Variants in KIF26B observed in about 807,000 individuals in gnomAD.
KIF26B encodes the protein kinesin family member 26B, also known as kinesin-like protein KIF26B.
Under a neutral mutation model 151.2 loss-of-function variants are expected in KIF26B, and 63 were observed. The ratio of observed to expected loss-of-function variants is 0.42; its 90% CI spans 0.34 to 0.51. The LOEUF is 0.51. KIF26B is among the 20% of genes least tolerant of loss of function. The probability of loss-of-function intolerance (pLI) is 0.07; values close to 1 mark genes in which losing one functional copy is unlikely to be tolerated. For missense variants in KIF26B, 2,813 were observed against 2,913.6 expected, an observed-to-expected ratio of 0.97 and a Z score of 0.79; for synonymous variants, 1,357 against 1,262.1, an observed-to-expected ratio of 1.08 and a Z score of -1.59.
At chr1:245,671,923 C>A (rs961153561) in intron 10 of KIF26B, among the ~76,000 whole-genome samples, 3 of 152,202 alleles carry the variant, frequency 2.0e-5, no homozygotes, top group Non-Finnish European at 4.4e-5. Context: ...GTGCCCCGAG[C>A]CTGCAGAGCG....
At chr1:245,520,055 C>A (rs78833866) in intron 4 of KIF26B, among the ~76,000 whole-genome samples, 3,758 of 142,770 alleles carry the variant, frequency 0.026, 86 homozygotes, top group African/African-American at 0.057. Context: ...TGAAAAATAT[C>A]TACATTTTTT....
intron 2 of KIF26B, among the ~76,000 whole-genome samples, chr1:245,265,587 CT>C (rs34317893): frequency 0.15 from 21,113 of 140,538 alleles, 1,569 homozygotes; most frequent in Middle Eastern, 0.2. Context: ...TAGAGAATGA[CT>C]TTTTTTTTTT....
rs1553300738 is a variant in KIF26B, at chr1:245,652,145, T to TGA, written c.2258+5872_2258+5873dup. 2.1e-3 allele frequency among the ~76,000 whole-genome samples: 296 copies of TGA among 142,730 alleles called. 2 individuals are homozygous for TGA. Among genetic ancestry groups the TGA allele is most frequent in the African/African-American group, 4.9e-3 (179 of 36,440 alleles). The allele number at this position is 142,730 out of a possible 152,430, so 93.6% of individuals were successfully genotyped here. A position where few individuals can be genotyped will look rare whatever the true frequency, so the allele number is the denominator to read the frequency against. ...GTGTGTGTGTGTGTGTGTGTGTGTG[T>TGA]GAGAGAGACATATGCATATTTAACC... On this transcript the variant is annotated intron_variant, in intron 10 of 14. Transcript: ENST00000407071.
At chr1:245,510,056 T>C (rs998473778) in intron 4 of KIF26B, among the ~76,000 whole-genome samples, 1 of 152,134 alleles carries the variant, frequency 6.6e-6, no homozygotes, top group African/African-American at 2.4e-5. Flanking sequence ...GCATGCGAAG[T>C]TGACAGTCAC....
At chr1:245,351,606 A>G (rs1209602388) in intron 2 of KIF26B, among the ~76,000 whole-genome samples, 1 of 152,208 alleles carries the variant, frequency 6.6e-6, no homozygotes, top group Non-Finnish European at 1.5e-5. Flanking sequence ...GCAGCAGGGG[A>G]TAAGTGTTAT....
At chr1:245,548,867 C>T (rs1172979882) in intron 5 of KIF26B, among the ~76,000 whole-genome samples, 3 of 152,056 alleles carry the variant, frequency 2.0e-5, no homozygotes, top group African/African-American at 4.8e-5. Flanking sequence ...CCTCAGCCTC[C>T]CGAGTAGCTG....
At position 245,366,818 on chromosome 1, in the gene KIF26B, C is replaced by A; in HGVS notation, c.466-16C>A. The A allele has an allele frequency of 1.9e-6, 3 of 1,610,796 alleles. No homozygotes were observed. Among genetic ancestry groups the A allele is most frequent in the Non-Finnish European group, 2.5e-6 (3 of 1,177,410 alleles). Reference sequence around the variant, plus strand: ...AGTTATAGAATCTCCTCTCCCTCTGCTTCTGTGTTCTGTAGGACCCTGCTT... The same window carrying A: ...AGTTATAGAATCTCCTCTCCCTCTGATTCTGTGTTCTGTAGGACCCTGCTT... On this transcript the variant is annotated splice_polypyrimidine_tract_variant and intron_variant, in intron 2 of 14. Coordinates refer to ENST00000407071, the MANE Select transcript of KIF26B (RefSeq NM_018012.4).
At chr1:245,515,717 G>A (rs985762362) in intron 4 of KIF26B, among the ~76,000 whole-genome samples, 1 of 152,120 alleles carries the variant, frequency 6.6e-6, no homozygotes, top group Admixed American at 6.5e-5. Context: ...GTAGAAGCAG[G>A]CCAGGCTTTA....
chr1:245,664,409 T>TC (rs1216417806), intron 10 of KIF26B, among the ~76,000 whole-genome samples: 1 of 151,824 alleles, frequency 6.6e-6, no homozygotes, highest in African/African-American at 2.4e-5. Flanking sequence ...AAGAAGGTTT[T>TC]CCTAGGAACC....
At chr1:245,282,745 G>A (rs976697260) in intron 2 of KIF26B, 1 of 163,980 alleles carries the variant, frequency 6.1e-6, no homozygotes, top group East Asian at 1.9e-4. Flanking sequence ...CGCTCCCTCT[G>A]TCTCTATACA....
chr1:245,664,305 G>A (rs56397957), intron 10 of KIF26B, among the ~76,000 whole-genome samples: 5,015 of 150,596 alleles, frequency 0.033, 272 homozygotes, highest in African/African-American at 0.12. Flanking sequence ...GTTGCAGTGA[G>A]CCGAGATCAC....
chr1:245,386,530 C>G (rs1673549911), intron 3 of KIF26B, among the ~76,000 whole-genome samples: 1 of 151,950 alleles, frequency 6.6e-6, no homozygotes, highest in African/African-American at 2.4e-5. Flanking sequence ...TGGAGGAGAG[C>G]TAGACATTGA....
chr1:245,578,735 T>C (rs2103127923), intron 5 of KIF26B, among the ~76,000 whole-genome samples: 1 of 152,370 alleles, frequency 6.6e-6, no homozygotes, highest in African/African-American at 2.4e-5. Context: ...TAACATTTGT[T>C]TTTTGAGCTC....
At chr1:245,335,420 G>A (rs559971169) in intron 2 of KIF26B, among the ~76,000 whole-genome samples, 2 of 152,334 alleles carry the variant, frequency 1.3e-5, no homozygotes, top group East Asian at 1.9e-4. Flanking sequence ...AGACCAGGAG[G>A]TTGGTTTTCT....
intron 10 of KIF26B, among the ~76,000 whole-genome samples, chr1:245,652,112 G>A (rs1362440373): frequency 3.1e-5 from 4 of 128,492 alleles, no homozygotes; most frequent in African/African-American, 1.3e-4. Context: ...CTGTGTGTGT[G>A]TGTGTGTGTG....
At position 245,686,601 on chromosome 1, in the gene KIF26B, C is replaced by G; in HGVS notation, c.3618C>G (p.Arg1206=). 1 of 1,611,506 alleles carries G rather than the reference C, an allele frequency of 6.2e-7. No individual in the cohort carries two copies. The highest frequency in any genetic ancestry group is 8.5e-7 in the Non-Finnish European group (1 of 1,179,230). The change falls in exon 12 of 15, where the codon CGC becomes CGG. Residue 1206 remains arginine, a synonymous_variant. Coordinates refer to ENST00000407071, the MANE Select transcript of KIF26B (RefSeq NM_018012.4). This position sits in a 1 kb window ranked among gnomAD's most constrained non-coding sequence, Gnocchi z 5.6. ...TCAGCGGGGTCCTGGACAGCGGCCG[C>G]CCCACCAGCATCATCAGCTTCAACA... ...LTISGVLDSG[R]PTSIISFNSD...
intron 4 of KIF26B, among the ~76,000 whole-genome samples, chr1:245,479,854 CA>C (rs1660129261): frequency 6.6e-6 from 1 of 151,784 alleles, no homozygotes; most frequent in Non-Finnish European, 1.5e-5. Context: ...AAAGGATACT[CA>C]AATATTTGAA....
Position 245,529,236 on chromosome 1 carries a change from C to A in KIF26B, c.1167-11531C>A, listed in dbSNP as rs78732004. Among the ~76,000 whole-genome samples the A allele has an allele frequency of 4.6e-5, 7 of 152,246 alleles. No homozygotes were observed. In the East Asian group the frequency reaches 1.4e-3, roughly 29 times the overall value. ...GGGGCAGCGGGGTACTGAGCAGCTG[C>A]TGTATAATGAGCCGAGAGGGGTTAA... On this transcript the variant is annotated intron_variant, in intron 4 of 14. Transcript: ENST00000407071.
intron 4 of KIF26B, among the ~76,000 whole-genome samples, chr1:245,480,099 CCAAA>C (rs71563751): frequency 0.089 from 13,337 of 150,658 alleles, 752 homozygotes; most frequent in South Asian, 0.12. Context: ...CCCTGTCTCT[CCAAA>C]CAAACAAACA....
Sources: allele counts gnomAD v4.1 joint callset (sites outside exome capture counted in the v4.1 genomes callset), GRCh38; gene constraint gnomAD v4.1.1; non-coding constraint Gnocchi (gnomAD v3.1); transcripts MANE v1.5; gene names NCBI Gene and HGNC (gene_info 2026-07-23, HGNC 2026-07-21).